PYM1: variants seen among roughly 807,000 people sequenced by gnomAD.
The protein encoded by PYM1 is partner of Y14 and mago.
A neutral mutation model predicts 20.7 loss-of-function variants in PYM1; 7 were observed. The observed-to-expected ratio is 0.34, with a 90% CI of 0.19 to 0.64. The LOEUF (loss-of-function observed/expected upper bound fraction) is 0.64. PYM1 is among the 30% of genes least tolerant of loss of function. The pLI is 0.74. For missense variants in PYM1, 194 were observed against 250.0 expected, an observed-to-expected ratio of 0.78 and a Z score of 1.51; for synonymous variants, 100 against 99.2, an observed-to-expected ratio of 1.01 and a Z score of -0.05.
At chr12:55,915,633 G>C (rs1882993539) in intron 1 of PYM1, among the ~76,000 whole-genome samples, 1 of 150,898 alleles carries the variant, frequency 6.6e-6, no homozygotes. Context: ...TGAGTAAGAT[G>C]GTCCCAATTT....
intron 1 of PYM1, among the ~76,000 whole-genome samples, chr12:55,907,690 G>A (rs896214083): frequency 1.3e-5 from 2 of 150,344 alleles, no homozygotes; most frequent in African/African-American, 2.5e-5. Flanking sequence ...TGTAATCCCA[G>A]CACTTTGGGA....
chr12:55,926,899 C>T (rs1252506044), intron 1 of PYM1, among the ~76,000 whole-genome samples: 2 of 152,314 alleles, frequency 1.3e-5, no homozygotes, highest in East Asian at 3.9e-4. Context: ...AGACCCCAAA[C>T]ACGAGACCAG....
At chr12:55,910,252 CATATATAT>C (rs71074876) in intron 1 of PYM1, among the ~76,000 whole-genome samples, 95 of 142,768 alleles carry the variant, frequency 6.7e-4, no homozygotes, top group African/African-American at 1.8e-3. Flanking sequence ...TGGTTTTATA[CATATATAT>C]ATATATATAT....
intron 1 of PYM1, among the ~76,000 whole-genome samples, chr12:55,926,378 T>G (rs1452106354): frequency 6.6e-6 from 1 of 152,176 alleles, no homozygotes; most frequent in African/African-American, 2.4e-5. Flanking sequence ...CCAGAAGGAA[T>G]AGTGGGTTTT....
At chr12:55,909,802 G>A (rs998281856) in intron 1 of PYM1, among the ~76,000 whole-genome samples, 5 of 152,108 alleles carry the variant, frequency 3.3e-5, no homozygotes, top group African/African-American at 1.2e-4. Context: ...TTTTATTTTA[G>A]TAATCTCAAT....
intron 1 of PYM1, among the ~76,000 whole-genome samples, chr12:55,908,904 C>T (rs1002536495): frequency 4.6e-5 from 7 of 151,820 alleles, no homozygotes; most frequent in African/African-American, 9.7e-5. Context: ...ATGGGTGATT[C>T]GACAGGTGGA....
At chr12:55,923,597 G>A (rs551127368) in intron 1 of PYM1, among the ~76,000 whole-genome samples, 6 of 151,404 alleles carry the variant, frequency 4.0e-5, no homozygotes, top group Admixed American at 1.3e-4. Context: ...ATGAAATGAT[G>A]TATGGATTCT....
chr12:55,909,482 T>C (rs1882882731), intron 1 of PYM1, among the ~76,000 whole-genome samples: 1 of 152,162 alleles, frequency 6.6e-6, no homozygotes. Flanking sequence ...AATTAATCCT[T>C]TATGCGAAGT....
At position 55,901,452 on chromosome 12, in the gene PYM1, TAAAA is replaced by T; in HGVS notation, c.*416_*419del. 1 of 143,456 alleles carries T rather than the reference TAAAA, an allele frequency of 7.0e-6. No individual in the cohort carries two copies. The highest frequency in any genetic ancestry group is 7.1e-5 in the Admixed American group (1 of 14,122). The allele number at this position is 143,456 out of a possible 1,614,324, so 8.9% of individuals were successfully genotyped here. On this transcript the variant is annotated 3_prime_UTR_variant, in exon 3 of 3. Coordinates refer to ENST00000408946, the MANE Select transcript of PYM1 (RefSeq NM_032345.3). ...TGTTTATTCTCATTTTTGCTTTTTT[TAAAA>T]AAAAAAAAAAAATGAGGGATGGAGA...
chr12:55,912,891 G>A (rs1156678587), intron 1 of PYM1, among the ~76,000 whole-genome samples: 1 of 151,424 alleles, frequency 6.6e-6, no homozygotes, highest in Non-Finnish European at 1.5e-5. Context: ...TTGAACCCGG[G>A]AGGCGGAGGT....
Position 55,903,334 on chromosome 12 carries a change from T to A in PYM1, c.131+53A>T, listed in dbSNP as rs372844441. On this transcript the variant is annotated intron_variant, in intron 2 of 2. Transcript: ENST00000408946. ...AACTTGTAGGCATAAGGATATTCTA[T>A]CCTTCTGTAGGGACCCCATCAGAAA... The A allele has an allele frequency of 1.1e-5, 16 of 1,522,968 alleles. No individual in the cohort carries two copies. In the East Asian group the frequency reaches 3.6e-4, roughly 34 times the overall value. The allele number at this position is 1,522,968 out of a possible 1,614,324, so 94.3% of individuals were successfully genotyped here.
intron 1 of PYM1, chr12:55,913,920 C>T (rs1882964620): frequency 5.9e-6 from 1 of 168,676 alleles, no homozygotes; most frequent in African/African-American, 2.4e-5. Flanking sequence ...AAGGTTCTTG[C>T]CTTCTTAGAG....
rs1882880936 is a variant in PYM1, at chr12:55,909,353, G to A, written c.38-5873C>T. 1.3e-5 allele frequency among the ~76,000 whole-genome samples: 2 copies of A among 152,074 alleles called. 1 individual carries two copies. Among genetic ancestry groups the A allele is most frequent in the Admixed American group, 1.3e-4 (2 of 15,252 alleles). On this transcript the variant is annotated intron_variant, in intron 1 of 2. Transcript: ENST00000408946. ...AATGTAGATAGCATTTTCAGGCAAC[G>A]ACAAATAGACCAGTCAGGCTGAGCC...
At chr12:55,918,816 C>T (rs973657944) in intron 1 of PYM1, among the ~76,000 whole-genome samples, 1 of 152,100 alleles carries the variant, frequency 6.6e-6, no homozygotes, top group Non-Finnish European at 1.5e-5. Flanking sequence ...CGCACTGAGC[C>T]GAGATTGCAC....
chr12:55,927,287 A>T, intron 1 of PYM1: 1 of 979,252 alleles, frequency 1.0e-6, no homozygotes, highest in Non-Finnish European at 1.6e-6. Flanking sequence ...TTAATAAAAT[A>T]AAGCCGTGGG....
chr12:55,912,095 T>G (rs1882933663), intron 1 of PYM1, among the ~76,000 whole-genome samples: 1 of 151,922 alleles, frequency 6.6e-6, no homozygotes, highest in Admixed American at 6.6e-5. Context: ...ATGCCTGTAA[T>G]GCCAACACTT....
At chr12:55,907,097 CATATATAT>C (rs5798360) in intron 1 of PYM1, among the ~76,000 whole-genome samples, 1 of 148,984 alleles carries the variant, frequency 6.7e-6, no homozygotes, top group Non-Finnish European at 1.5e-5. Flanking sequence ...AGAAAGTTAA[CATATATAT>C]ATATATATAT....
chr12:55,920,465 C>G (rs756829190), intron 1 of PYM1, among the ~76,000 whole-genome samples: 38 of 151,796 alleles, frequency 2.5e-4, no homozygotes, highest in Non-Finnish European at 3.4e-4. Context: ...TGGTAAAACA[C>G]CATCTCTACT....
chr12:55,906,630 G>A (rs1483967190), intron 1 of PYM1, among the ~76,000 whole-genome samples: 1 of 151,930 alleles, frequency 6.6e-6, no homozygotes, highest in Non-Finnish European at 1.5e-5. Flanking sequence ...ATAGAGTATG[G>A]TACTATTTTA....
Sources: allele counts gnomAD v4.1 joint callset (sites outside exome capture counted in the v4.1 genomes callset), GRCh38; gene constraint gnomAD v4.1.1; transcripts MANE v1.5; gene names NCBI Gene and HGNC (gene_info 2026-07-23, HGNC 2026-07-21).